KAT6A: variants seen among roughly 807,000 people sequenced by gnomAD.
The protein encoded by KAT6A is lysine acetyltransferase 6A.
KAT6A carries 9 observed loss-of-function variants against 198.4 expected under a neutral mutation model. The observed-to-expected ratio is 0.05, with a 90% CI of 0.03 to 0.08. The LOEUF is 0.08. KAT6A is among the 10% of genes least tolerant of loss of function. KAT6A has a pLI of 1.00. For missense variants in KAT6A, 2,077 were observed against 2,509.9 expected (o/e 0.83, Z 3.69); for synonymous variants, 890 against 883.0 (o/e 1.01, Z -0.14).
chr8:42,050,754 C>G (rs972480652), intron 1 of KAT6A, among the ~76,000 whole-genome samples: 1 of 152,110 alleles, frequency 6.6e-6, no homozygotes, highest in Non-Finnish European at 1.5e-5. Flanking sequence ...GTTTAACAAG[C>G]TGGGAACGAA....
chr8:41,967,911 G>T (rs1823592538), intron 8 of KAT6A, among the ~76,000 whole-genome samples: 4 of 152,044 alleles, frequency 2.6e-5, no homozygotes, highest in Admixed American at 1.3e-4. Flanking sequence ...TGGGAAAACT[G>T]GCTACCCATA....
At chr8:41,969,446 C>T (rs917324405) in intron 8 of KAT6A, among the ~76,000 whole-genome samples, 1 of 152,150 alleles carries the variant, frequency 6.6e-6, no homozygotes, top group African/African-American at 2.4e-5. Context: ...TCAAGCTACA[C>T]ATAAAACTCA....
chr8:42,031,727 T>G (rs1315541505), intron 2 of KAT6A, among the ~76,000 whole-genome samples: 2 of 145,416 alleles, frequency 1.4e-5, no homozygotes, highest in Non-Finnish European at 3.0e-5. Context: ...CCTCCCGGGT[T>G]CAAGCAATTC....
chr8:41,980,377 A>G (rs776610018), intron 5 of KAT6A, among the ~76,000 whole-genome samples: 5 of 152,118 alleles, frequency 3.3e-5, no homozygotes, highest in African/African-American at 4.8e-5. Context: ...CAACAACAAA[A>G]AACCTTTTTA....
At chr8:41,935,218 CA>C (rs1248089236) in intron 16 of KAT6A, among the ~76,000 whole-genome samples, 4 of 152,148 alleles carry the variant, frequency 2.6e-5, no homozygotes, top group African/African-American at 9.7e-5. Flanking sequence ...TATAAAGAGG[CA>C]AATAAGTAGT....
At chr8:42,044,098 C>CTTTTTT (rs36067311) in intron 2 of KAT6A, among the ~76,000 whole-genome samples, 3 of 127,894 alleles carry the variant, frequency 2.3e-5, no homozygotes, top group Non-Finnish European at 3.3e-5. Flanking sequence ...TGGGTAAAAA[C>CTTTTTT]TTTTTTTTTT....
chr8:42,046,639 G>GAAA (rs1802317323), intron 2 of KAT6A, among the ~76,000 whole-genome samples: 1 of 152,150 alleles, frequency 6.6e-6, no homozygotes, highest in Non-Finnish European at 1.5e-5. Flanking sequence ...CTGTTTCCAG[G>GAAA]CAGTTAACCT....
intron 2 of KAT6A, among the ~76,000 whole-genome samples, chr8:42,013,060 C>T (rs1021825417): frequency 5.4e-5 from 8 of 148,836 alleles, no homozygotes; most frequent in Admixed American, 3.4e-4. Flanking sequence ...GTGATGACTA[C>T]AAAAGTCAAG....
intron 2 of KAT6A, among the ~76,000 whole-genome samples, chr8:42,001,610 T>C (rs1296831036): frequency 1.3e-5 from 2 of 152,208 alleles, no homozygotes; most frequent in African/African-American, 4.8e-5. Context: ...GGCTTAAGTT[T>C]GATTCTGTGC....
At chr8:41,967,082 G>A (rs1047322258) in intron 8 of KAT6A, among the ~76,000 whole-genome samples, 1 of 151,968 alleles carries the variant, frequency 6.6e-6, no homozygotes, top group Non-Finnish European at 1.5e-5. Context: ...TTTCAAAAAT[G>A]CTCTGTAACT....
At chr8:42,046,299 G>A (rs1802289603) in intron 2 of KAT6A, among the ~76,000 whole-genome samples, 1 of 152,146 alleles carries the variant, frequency 6.6e-6, no homozygotes, top group Non-Finnish European at 1.5e-5. Flanking sequence ...ACTTTGGGAG[G>A]CAGAGGCGGG....
chr8:42,046,468 G>A (rs1299327562), intron 2 of KAT6A, among the ~76,000 whole-genome samples: 4 of 152,104 alleles, frequency 2.6e-5, no homozygotes, highest in African/African-American at 9.7e-5. Flanking sequence ...CCTGGGAGGC[G>A]GAGGTTGCAG....
rs1194046628 is a variant in KAT6A, at chr8:42,048,925, T to A, written c.53A>T (p.Lys18Ile). Reference protein sequence around the residue: ...LYTEWILEAIKKVKKQKQRPS... With the variant: ...LYTEWILEAIIKVKKQKQRPS... The stretch of plus-strand genomic sequence containing the variant: ...ACGCTGTTTCTGCTTTTTCACTTTT[T>A]TGATGGCCTCCAAAATCCACTCAGT... Residue 18 changes from lysine to isoleucine, a missense_variant, in exon 2 of 17, where the codon AAA (lysine) becomes ATA (isoleucine). Transcript: ENST00000265713. 2 of 1,614,124 alleles carry A rather than the reference T, an allele frequency of 1.2e-6. No individual in the cohort carries two copies. The highest frequency in any genetic ancestry group is 1.7e-6 in the Non-Finnish European group (2 of 1,180,014).
chr8:41,981,860 A>G lies in KAT6A; in HGVS notation c.804T>C (p.Cys268=). The change falls in exon 4 of 17, where the codon TGT becomes TGC. Residue 268 remains cysteine, a synonymous_variant. Coordinates refer to ENST00000265713, the MANE Select transcript of KAT6A (RefSeq NM_006766.5). ...QCIECKTCSS[C]RDQGKNADNM... ...TCACCGCATTTTTGCCTTGATCTCGACAGGAGCTGCATGTTTTACACTCGA... is the reference window on the plus strand; with the variant it reads ...TCACCGCATTTTTGCCTTGATCTCGGCAGGAGCTGCATGTTTTACACTCGA... 1 of 1,613,502 alleles carries G rather than the reference A, an allele frequency of 6.2e-7. No homozygotes were observed.
chr8:41,934,863 A>T lies in KAT6A; in HGVS notation c.3357T>A (p.Thr1119=), dbSNP rs1412584153. The T allele has an allele frequency of 6.2e-7, 1 of 1,605,724 alleles. No individual in the cohort carries two copies. The change falls in exon 17 of 17, where the codon ACT becomes ACA. Residue 1119 remains threonine, a synonymous_variant. Transcript: ENST00000265713. ...AAAGAGATACTGGCTTTAAGATAGG[A>T]GTGTCTATACAGGAAGGAAAAAAAA... is the stretch of plus-strand genomic sequence containing the variant. The part of the protein sequence containing the change: ...EDEESDDADD[T]PILKPVSLLR...
intron 12 of KAT6A, among the ~76,000 whole-genome samples, chr8:41,945,224 C>G (rs1822316465): frequency 6.6e-6 from 1 of 151,854 alleles, no homozygotes; most frequent in Non-Finnish European, 1.5e-5. Flanking sequence ...AAAAAAAATG[C>G]ACACATTTTC....
chr8:41,946,527 C>CACAT (rs1822403512), intron 12 of KAT6A, 64 bp downstream of exon 12: 8 of 787,420 alleles, frequency 1.0e-5, no homozygotes, highest in South Asian at 2.8e-5. Context: ...CACACACACA[C>CACAT]ACACACACAC....
At chr8:41,939,526 T>G (rs1026947351) in intron 15 of KAT6A, among the ~76,000 whole-genome samples, 2 of 152,186 alleles carry the variant, frequency 1.3e-5, no homozygotes, top group African/African-American at 2.4e-5. Context: ...GTGACCACTA[T>G]GCCCAGCTTC....
chr8:42,043,646 T>C (rs1827770463), intron 2 of KAT6A: 1 of 152,218 alleles, frequency 6.6e-6, no homozygotes, highest in South Asian at 2.1e-4. Flanking sequence ...GAATTTGTCC[T>C]TTAACAATTA....
Sources: allele counts gnomAD v4.1 joint callset (sites outside exome capture counted in the v4.1 genomes callset), GRCh38; gene constraint gnomAD v4.1.1; transcripts MANE v1.5; gene names NCBI Gene and HGNC (gene_info 2026-07-23, HGNC 2026-07-21).